Variants in SNRNP70 observed in about 807,000 individuals in gnomAD.
SNRNP70 encodes U1 small nuclear ribonucleoprotein 70 kDa.
SNRNP70 carries 8 observed loss-of-function variants against 50.5 expected under a neutral mutation model. The ratio of observed to expected loss-of-function variants is 0.16; its 90% CI spans 0.09 to 0.29. The LOEUF is 0.29. SNRNP70 is among the 10% of genes least tolerant of loss of function. The pLI, the probability that SNRNP70 is intolerant of heterozygous loss-of-function variation, is 1.00. For missense variants in SNRNP70, 529 were observed against 663.5 expected (o/e 0.80, Z 2.23); for synonymous variants, 320 against 252.9 (o/e 1.27, Z -2.52).
At position 49,104,398 on chromosome 19, in the gene SNRNP70, C is replaced by G; in HGVS notation, c.476-236C>G. ...GGGGGTGGCGGGTGAGGGTGGACGT[C>G]TCCCCCGACCAGGAGTGGTTGGGGC... is the stretch of plus-strand genomic sequence containing the variant. On this transcript the variant is annotated intron_variant, in intron 7 of 9. Transcript: ENST00000598441. The surrounding 1 kb of genome is among the most constrained non-coding windows in gnomAD (Gnocchi z 5.4). 1 of 502,238 alleles carries G rather than the reference C, an allele frequency of 2.0e-6. No homozygotes were observed. Among genetic ancestry groups the G allele is most frequent in the South Asian group, 2.5e-5 (1 of 39,660 alleles). The allele number at this position is 502,238 out of a possible 1,614,324, so 31.1% of individuals were successfully genotyped here. A position where few individuals can be genotyped will look rare whatever the true frequency, so the allele number is the denominator to read the frequency against.
Position 49,106,807 on chromosome 19 carries a change from A to T in SNRNP70, c.578-818A>T, listed in dbSNP as rs549776307. On this transcript the variant is annotated intron_variant, in intron 8 of 9. Transcript: ENST00000598441. ...GGCTGTTCATCTATCTATTCACTTG[A>T]CACACACACATCCACCTTTCTATAC... is the stretch of plus-strand genomic sequence containing the variant. Among the ~76,000 whole-genome samples, 336 of 152,212 alleles carry T rather than the reference A, an allele frequency of 2.2e-3. 1 individual carries two copies. Among genetic ancestry groups the T allele is most frequent in the African/African-American group, 7.9e-3 (327 of 41,520 alleles).
chr19:49,086,802 G>A (rs981701844), intron 2 of SNRNP70, among the ~76,000 whole-genome samples: 3 of 151,980 alleles, frequency 2.0e-5, no homozygotes, highest in Non-Finnish European at 2.9e-5. Flanking sequence ...CCCAGGAGTC[G>A]GAGGCTGGAG....
At chr19:49,099,738 T>TAAAAA (rs71179087) in intron 6 of SNRNP70, among the ~76,000 whole-genome samples, 1,539 of 138,702 alleles carry the variant, frequency 0.011, 19 homozygotes, top group African/African-American at 0.026. Flanking sequence ...GACTCCATCT[T>TAAAAA]AAAAAAAAAA....
intron 2 of SNRNP70, among the ~76,000 whole-genome samples, chr19:49,088,180 C>A (rs368400880): frequency 5.6e-4 from 83 of 149,114 alleles, no homozygotes; most frequent in African/African-American, 1.9e-3. Context: ...TGTGAGCCAC[C>A]ATGCCTGGGA....
chr19:49,088,818 G>A (rs1400376217), intron 2 of SNRNP70, among the ~76,000 whole-genome samples: 1 of 152,050 alleles, frequency 6.6e-6, no homozygotes, highest in Admixed American at 6.6e-5. Flanking sequence ...TTAATGTGTG[G>A]TTGATGAGAC....
chr19:49,085,729 C>T (rs879299949), intron 1 of SNRNP70, 93 bp downstream of exon 1: 14 of 438,984 alleles, frequency 3.2e-5, no homozygotes, highest in Non-Finnish European at 5.5e-5. Flanking sequence ...GCGGCCAGGC[C>T]CCTTTCCCGC....
intron 4 of SNRNP70, among the ~76,000 whole-genome samples, chr19:49,091,111 C>A (rs1048286608): frequency 1.3e-5 from 2 of 152,086 alleles, no homozygotes; most frequent in African/African-American, 4.8e-5. Context: ...GTGGCTCACG[C>A]TGTAATCCCA....
At chr19:49,086,252 C>T (rs558389640) in intron 1 of SNRNP70, among the ~76,000 whole-genome samples, 153 bp from the exon 2 acceptor site, 4 of 152,176 alleles carry the variant, frequency 2.6e-5, no homozygotes, top group African/African-American at 9.7e-5. Flanking sequence ...GTACCCTTTT[C>T]TCCGCAACAC....
chr19:49,095,804 G>A (rs2040505636), intron 4 of SNRNP70, among the ~76,000 whole-genome samples: 1 of 152,186 alleles, frequency 6.6e-6, no homozygotes, highest in East Asian at 1.9e-4. Context: ...TGGCATTACA[G>A]CTGTGAGCCA....
At chr19:49,102,015 C>T (rs1202766081) in intron 7 of SNRNP70, 22 of 493,286 alleles carry the variant, frequency 4.5e-5, no homozygotes, top group Non-Finnish European at 5.3e-5. Flanking sequence ...GAGGCTGCCG[C>T]GGCGTCCACA....
At position 49,108,010 on chromosome 19, in the gene SNRNP70, G is replaced by C; in HGVS notation, c.881G>C (p.Arg294Pro). The part of the protein sequence containing the change: ...KDRDRKRRSS[R>P]SRERARRERE... ...CGGGACCGGAAGCGGCGAAGCAGCC[G>C]GAGTCGGGAGCGGGCCCGGCGGGAG... is the stretch of plus-strand genomic sequence containing the variant. Residue 294 changes from arginine to proline, a missense_variant, in exon 10 of 10, where the codon CGG becomes CCG. This residue lies in a region of SNRNP70 where 327 missense variants were observed against 308.8 expected (regional missense o/e 1.06). Transcript: ENST00000598441. The C allele has an allele frequency of 6.5e-7, 1 of 1,548,038 alleles. No individual in the cohort carries two copies. The highest frequency in any genetic ancestry group is 8.7e-7 in the Non-Finnish European group (1 of 1,146,302).
chr19:49,100,928 T>C (rs1160361934), intron 6 of SNRNP70, among the ~76,000 whole-genome samples: 1 of 151,972 alleles, frequency 6.6e-6, no homozygotes, highest in Non-Finnish European at 1.5e-5. Flanking sequence ...CCTTCCTTGC[T>C]CAACACCCTT....
chr19:49,089,233 T>C (rs2040418729), intron 2 of SNRNP70, among the ~76,000 whole-genome samples: 2 of 152,170 alleles, frequency 1.3e-5, no homozygotes, highest in African/African-American at 4.8e-5. Context: ...ACCCTGTCTC[T>C]ACTAAAAATG....
In SNRNP70 at chr19:49,086,475, T is replaced by C. The variant is rs972136377; in HGVS notation, c.61T>C (p.Tyr21His). The change falls in exon 2 of 10, where the codon TAC becomes CAC. Residue 21 changes from tyrosine (Y) to histidine (H), a missense_variant. Physicochemically the swap from Tyr to His is moderately conservative, Grantham distance 83. Transcript: ENST00000598441. ...ALFAPRDPIPYLPPLEKLPHE... is the reference protein window; with the variant it reads ...ALFAPRDPIPHLPPLEKLPHE... The stretch of plus-strand genomic sequence containing the variant: ...CTTTGCCCCCCGTGACCCTATTCCA[T>C]ACCTGCCACCCCTGGAGAAACTGCC... 1.9e-6 allele frequency: 3 copies of C among 1,614,078 alleles called. No homozygotes were observed. Among genetic ancestry groups the C allele is most frequent in the Non-Finnish European group, 1.7e-6 (2 of 1,180,016 alleles).
Position 49,107,798 on chromosome 19 carries a change from C to T in SNRNP70, c.669C>T (p.Pro223=), listed in dbSNP as rs373031258. The T allele has an allele frequency of 3.3e-5, 53 of 1,605,960 alleles. No homozygotes were observed. In the East Asian group the frequency reaches 5.4e-4, roughly 16 times the overall value. ...CAGGTCTGCCCACCTCATCCAGGCCCGGCCCCTCCCCGCTTCCGCACAGGG... is the reference window on the plus strand; with the variant it reads ...CAGGTCTGCCCACCTCATCCAGGCCTGGCCCCTCCCCGCTTCCGCACAGGG... ...RDDTSRYDER[P]GPSPLPHRDR... Residue 223 remains proline (P), a synonymous_variant, in exon 10 of 10, where the codon CCC becomes CCT. Transcript: ENST00000598441. The surrounding 1 kb of genome is among the most constrained non-coding windows in gnomAD (Gnocchi z 6.0).
At chr19:49,103,975 C>A (rs1568422731) in intron 7 of SNRNP70, 1 of 151,876 alleles carries the variant, frequency 6.6e-6, no homozygotes, top group Non-Finnish European at 1.5e-5. Context: ...CACGGCTCCC[C>A]ATGCTTCCTC....
intron 7 of SNRNP70, chr19:49,102,223 C>T (rs2040596998): frequency 7.9e-7 from 1 of 1,273,676 alleles, no homozygotes; most frequent in Admixed American, 2.3e-5. Context: ...CACCGCACAC[C>T]AGCCCAGCTT....
chr19:49,086,653 C>A, intron 2 of SNRNP70, 92 bp downstream of exon 2: 2 of 1,235,490 alleles, frequency 1.6e-6, no homozygotes, highest in Non-Finnish European at 2.4e-6. Flanking sequence ...TTGCCAGCTG[C>A]GTGATTTAAG....
intron 4 of SNRNP70, among the ~76,000 whole-genome samples, chr19:49,096,858 G>T (rs1253727471): frequency 6.6e-6 from 1 of 151,510 alleles, no homozygotes; most frequent in Non-Finnish European, 1.5e-5. Context: ...GGCGGGACGC[G>T]GTGGTTCATG....
Sources: allele counts gnomAD v4.1 joint callset (sites outside exome capture counted in the v4.1 genomes callset), GRCh38; gene constraint gnomAD v4.1.1; regional missense constraint gnomAD v4.1.1; non-coding constraint Gnocchi (gnomAD v3.1); transcripts MANE v1.5; gene names NCBI Gene and HGNC (gene_info 2026-07-23, HGNC 2026-07-21).